Variants in LGSN observed in about 807,000 individuals in gnomAD.
LGSN encodes the protein lengsin.
LGSN carries 21 observed loss-of-function variants against 19.5 expected under a neutral mutation model. The ratio of observed to expected loss-of-function variants is 1.07; its 90% CI spans 0.76 to 1.55. LGSN has a LOEUF of 1.55. LGSN is among the 40% of genes most tolerant of loss of function. The pLI is 0.00. For missense variants in LGSN, 673 were observed against 608.5 expected, an observed-to-expected ratio of 1.11 and a Z score of -1.12; for synonymous variants, 257 against 215.6, an observed-to-expected ratio of 1.19 and a Z score of -1.68.
chr6:63,359,504 T>C, the LGSN span, among the ~76,000 whole-genome samples: 2 of 152,226 alleles, frequency 1.3e-5, no homozygotes, highest in African/African-American at 4.8e-5. Flanking sequence ...ATTGCCTCAA[T>C]TTCAGAGCCT....
chr6:63,287,033 A>C (rs1767566875), intron 2 of LGSN, among the ~76,000 whole-genome samples: 1 of 152,248 alleles, frequency 6.6e-6, no homozygotes, highest in South Asian at 2.1e-4. Context: ...GAGCAGCTAT[A>C]ATTTTAAAGT....
At chr6:63,439,631 C>A in the LGSN span, among the ~76,000 whole-genome samples, 1 of 152,180 alleles carries the variant, frequency 6.6e-6, no homozygotes, top group African/African-American at 2.4e-5. Flanking sequence ...CATCTCCTGC[C>A]ACTGCCTTCC....
At chr6:63,442,672 C>T in the LGSN span, among the ~76,000 whole-genome samples, 1 of 152,190 alleles carries the variant, frequency 6.6e-6, no homozygotes, top group Non-Finnish European at 1.5e-5. Context: ...GCTGCATTTA[C>T]AAACCTTGAG....
chr6:63,310,689 C>CT (rs1296070252), intron 1 of LGSN, among the ~76,000 whole-genome samples: 3 of 152,086 alleles, frequency 2.0e-5, no homozygotes, highest in African/African-American at 4.8e-5. Context: ...TGAATGCGGT[C>CT]TTTTTTACAT....
the LGSN span, among the ~76,000 whole-genome samples, chr6:63,359,183 C>T: frequency 6.6e-6 from 1 of 152,064 alleles, no homozygotes; most frequent in Non-Finnish European, 1.5e-5. Flanking sequence ...GGGATGAAGC[C>T]CACTTGATCA....
chr6:63,326,380 G>T, the LGSN span, among the ~76,000 whole-genome samples: 1 of 152,242 alleles, frequency 6.6e-6, no homozygotes, highest in Non-Finnish European at 1.5e-5. Context: ...AAGCCCAGCT[G>T]GCTTCACCCA....
At chr6:63,356,503 C>T in the LGSN span, among the ~76,000 whole-genome samples, 1 of 151,988 alleles carries the variant, frequency 6.6e-6, no homozygotes, top group South Asian at 2.1e-4. Context: ...TATCATGCCA[C>T]TGCACTCCAC....
chr6:63,374,438 C>T, the LGSN span, among the ~76,000 whole-genome samples: 1 of 152,188 alleles, frequency 6.6e-6, no homozygotes, highest in Admixed American at 6.5e-5. Flanking sequence ...TGCCATCTGA[C>T]CAGCAGCAAT....
chr6:63,432,171 A>AAGAAAGAAAGAG, the LGSN span, among the ~76,000 whole-genome samples: 1 of 93,956 alleles, frequency 1.1e-5, no homozygotes, highest in African/African-American at 5.0e-5. Flanking sequence ...GAAAGAAAGA[A>AAGAAAGAAAGAG]AAGGAAAGAA....
At chr6:63,373,726 A>C in the LGSN span, among the ~76,000 whole-genome samples, 2 of 152,064 alleles carry the variant, frequency 1.3e-5, no homozygotes, top group Admixed American at 1.3e-4. Flanking sequence ...TAATTCCAGC[A>C]CTCTGGGAGG....
chr6:63,280,002 A>C lies in LGSN; in HGVS notation c.*19T>G. On this transcript the variant is annotated 3_prime_UTR_variant, in exon 4 of 4. Transcript: ENST00000370657. The stretch of plus-strand genomic sequence containing the variant: ...TAAGTAACAATTACATGTCTAAAGG[A>C]GTAGTTGTGAGCTCTATTCTAAATA... 1 of 1,553,336 alleles carries C rather than the reference A, an allele frequency of 6.4e-7. No homozygotes were observed. Among genetic ancestry groups the C allele is most frequent in the Non-Finnish European group, 8.7e-7 (1 of 1,151,370 alleles).
chr6:63,407,871 C>A, the LGSN span, among the ~76,000 whole-genome samples: 2 of 152,190 alleles, frequency 1.3e-5, no homozygotes, highest in Non-Finnish European at 1.5e-5. Flanking sequence ...CACAAGCATT[C>A]TTATACACCA....
chr6:63,420,391 C>A, the LGSN span, among the ~76,000 whole-genome samples: 1 of 152,170 alleles, frequency 6.6e-6, no homozygotes, highest in Non-Finnish European at 1.5e-5. Context: ...CCAGAGGAGT[C>A]AGCACTTTCT....
chr6:63,553,859 C>T, the LGSN span, among the ~76,000 whole-genome samples: 620 of 152,190 alleles, frequency 4.1e-3, 3 homozygotes, highest in Middle Eastern at 0.01. Flanking sequence ...GTACAATTAA[C>T]GTATTTGAGT....
the LGSN span, among the ~76,000 whole-genome samples, chr6:63,529,647 A>G: frequency 6.6e-6 from 1 of 152,218 alleles, no homozygotes; most frequent in South Asian, 2.1e-4. Flanking sequence ...TTGAGCAGCC[A>G]ACCCTGTTTG....
the LGSN span, among the ~76,000 whole-genome samples, chr6:63,503,634 G>C: frequency 6.6e-6 from 1 of 152,212 alleles, no homozygotes; most frequent in Non-Finnish European, 1.5e-5. Flanking sequence ...TGGTAACAAG[G>C]CCAGGCACAG....
the LGSN span, among the ~76,000 whole-genome samples, chr6:63,532,231 C>T: frequency 6.6e-6 from 1 of 152,210 alleles, no homozygotes; most frequent in Non-Finnish European, 1.5e-5. Flanking sequence ...TGAAAACTTT[C>T]TTCTAGTGTC....
At chr6:63,563,630 C>A in the LGSN span, among the ~76,000 whole-genome samples, 1 of 152,144 alleles carries the variant, frequency 6.6e-6, no homozygotes, top group African/African-American at 2.4e-5. Flanking sequence ...TTCATTGGGG[C>A]AGAAAACATG....
At chr6:63,542,867 GATC>G in the LGSN span, among the ~76,000 whole-genome samples, 6 of 152,076 alleles carry the variant, frequency 3.9e-5, no homozygotes, top group South Asian at 8.3e-4. Flanking sequence ...TCCAAGCCAT[GATC>G]ATGTCTCCTA....
Sources: gnomAD v4.1 joint callset for allele counts (sites outside exome capture counted in the v4.1 genomes callset) on GRCh38, gnomAD v4.1.1 for gene constraint, MANE v1.5 for transcripts, NCBI Gene and HGNC (gene_info 2026-07-23, HGNC 2026-07-21) for gene names.